ENOX2: variants seen among roughly 807,000 people sequenced by gnomAD.
ENOX2 encodes ecto-NOX disulfide-thiol exchanger 2.
A neutral mutation model predicts 45.0 loss-of-function variants in ENOX2; 36 were observed. The observed-to-expected ratio is 0.80, with a 90% confidence interval of 0.61 to 1.06. The LOEUF is 1.06. ENOX2 is among the 50% of genes least tolerant of loss of function. The pLI is 0.00. For synonymous variants in ENOX2, 174 were observed against 152.3 expected (o/e 1.14, Z -1.05); for missense variants, 423 against 462.5 (o/e 0.91, Z 0.78).
intron 3 of ENOX2, among the ~76,000 whole-genome samples, chrX:130,749,290 T>C (rs1269324047): frequency 9.0e-6 from 1 of 111,664 alleles, no homozygotes; most frequent in Non-Finnish European, 1.9e-5. Flanking sequence ...AGTAGAAACA[T>C]CTTAGGGAAA....
At chrX:130,646,301 A>C (rs2036234545) in intron 10 of ENOX2, 2 of 341,638 alleles carry the variant, frequency 5.9e-6, no homozygotes, top group African/African-American at 2.6e-5. Context: ...TCCTACTGAG[A>C]AAGCCTGCCA....
intron 3 of ENOX2, among the ~76,000 whole-genome samples, chrX:130,747,002 T>C (rs5975227): frequency 2.0e-3 from 220 of 112,322 alleles, no homozygotes; most frequent in African/African-American, 6.9e-3. Flanking sequence ...TCTGTGCTTA[T>C]CTCCTACTCT....
At chrX:130,817,038 G>T (rs1171151360) in intron 2 of ENOX2, among the ~76,000 whole-genome samples, 1 of 111,899 alleles carries the variant, frequency 8.9e-6, no homozygotes. Flanking sequence ...TAATAAAGAA[G>T]AAAGGAGAAA....
intron 3 of ENOX2, among the ~76,000 whole-genome samples, chrX:130,737,795 T>C (rs769944048): frequency 8.4e-4 from 92 of 109,570 alleles, no homozygotes; most frequent in Non-Finnish European, 1.2e-3. Context: ...TTCAGAGGAG[T>C]AGGGAGTGGG....
chrX:130,858,257 A>G (rs890928549), intron 2 of ENOX2, among the ~76,000 whole-genome samples: 20 of 109,792 alleles, frequency 1.8e-4, no homozygotes, highest in Non-Finnish European at 3.6e-4. Flanking sequence ...CTGAGATTAC[A>G]GATGCATGCC....
intron 2 of ENOX2, among the ~76,000 whole-genome samples, chrX:130,874,007 A>G (rs1182338970): frequency 1.8e-5 from 2 of 111,237 alleles, no homozygotes; most frequent in African/African-American, 3.3e-5. Context: ...ACAAGCCTGC[A>G]CGTTCTGCAC....
chrX:130,851,673 A>G (rs565289391), intron 2 of ENOX2, among the ~76,000 whole-genome samples: 2 of 111,606 alleles, frequency 1.8e-5, no homozygotes, highest in South Asian at 7.6e-4. Context: ...TCTCTGTTCT[A>G]ACAAATGTAG....
chrX:130,677,408 A>C (rs1045652752), intron 6 of ENOX2, among the ~76,000 whole-genome samples: 1 of 112,375 alleles, frequency 8.9e-6, no homozygotes, highest in African/African-American at 3.2e-5. Context: ...AGCATCTAGC[A>C]CAAGAGTTTA....
intron 2 of ENOX2, among the ~76,000 whole-genome samples, chrX:130,837,581 C>T (rs2077949292): frequency 1.8e-5 from 2 of 111,382 alleles, no homozygotes; most frequent in Admixed American, 1.9e-4. Flanking sequence ...ATAAGAACAC[C>T]CATTCCACCG....
chrX:130,698,658 A>G (rs1161987921), intron 4 of ENOX2, among the ~76,000 whole-genome samples: 1 of 111,864 alleles, frequency 8.9e-6, no homozygotes, highest in Non-Finnish European at 1.9e-5. Flanking sequence ...AAAATAATAC[A>G]AACCGAAGTC....
At chrX:130,832,269 A>G (rs1393848695) in intron 2 of ENOX2, among the ~76,000 whole-genome samples, 3 of 111,138 alleles carry the variant, frequency 2.7e-5, no homozygotes, top group African/African-American at 6.5e-5. Flanking sequence ...TTCAACATCA[A>G]TTTAGAGCTG....
chrX:130,755,956 C>T (rs1282723123), intron 3 of ENOX2, among the ~76,000 whole-genome samples: 1 of 111,030 alleles, frequency 9.0e-6, no homozygotes. Context: ...TTGATTTTTA[C>T]ATCATGGGGT....
chrX:130,805,213 G>A (rs1315503554), intron 2 of ENOX2, among the ~76,000 whole-genome samples: 1 of 112,026 alleles, frequency 8.9e-6, no homozygotes, highest in Non-Finnish European at 1.9e-5. Flanking sequence ...CACCATCACA[G>A]TGATGGTTTC....
chrX:130,667,727 G>A lies in ENOX2; in HGVS notation c.710C>T (p.Ser237Leu), dbSNP rs1262621475. The change falls in exon 8 of 15, where the codon TCA becomes TTA. Residue 237 changes from serine to leucine, a missense_variant. By Grantham distance (145) the Ser-to-Leu change is moderately radical (BLOSUM62 -2). Coordinates refer to ENST00000394363, the MANE Select transcript of ENOX2 (RefSeq NM_006375.4). ...GGTAAGCAAGGTCTGTACAGCTTCT[G>A]AGAATTTGGAATCATCTGAAAAAAA... ...AEKLKDDSKF[S>L]EAVQTLLTWI... 2 of 1,191,133 alleles carry A rather than the reference G, an allele frequency of 1.7e-6. No individual in the cohort carries two copies. Among genetic ancestry groups the A allele is most frequent in the Admixed American group, 2.2e-5 (1 of 44,701 alleles).
rs149410799 is a variant in ENOX2 at position 130,669,955 on chromosome X, C to T, written c.694+10G>A. Reference sequence around the variant, plus strand: ...TTCTTTTAATCATGAAGCTTGAGTGCCTTTGATACCTTTTAATTTTTCAGC... The same window carrying T: ...TTCTTTTAATCATGAAGCTTGAGTGTCTTTGATACCTTTTAATTTTTCAGC... On this transcript the variant is annotated intron_variant, in intron 7 of 14. Coordinates refer to ENST00000394363, the MANE Select transcript of ENOX2 (RefSeq NM_006375.4). The T allele has an allele frequency of 3.9e-4, 442 of 1,131,941 alleles. No homozygotes were observed. In the African/African-American group the frequency reaches 5.8e-3, roughly 15 times the overall value. 93.3% of individuals were successfully genotyped at this position (1,131,941 alleles called of 1,213,427 possible).
chrX:130,693,093 A>G (rs535609348), intron 4 of ENOX2, among the ~76,000 whole-genome samples: 283 of 112,168 alleles, frequency 2.5e-3, no homozygotes, highest in African/African-American at 8.2e-3. Context: ...ATTATTGTCC[A>G]TTCTCTGTAC....
chrX:130,771,506 A>G (rs779015518), intron 3 of ENOX2, among the ~76,000 whole-genome samples: 2 of 111,023 alleles, frequency 1.8e-5, no homozygotes, highest in East Asian at 5.7e-4. Flanking sequence ...AGGCTCCACA[A>G]CTCTTCAAGC....
chrX:130,867,773 G>A (rs1360069733), intron 2 of ENOX2, among the ~76,000 whole-genome samples: 1 of 111,682 alleles, frequency 9.0e-6, no homozygotes, highest in Non-Finnish European at 1.9e-5. Context: ...CAAATACCCA[G>A]TGACACAGAA....
At chrX:130,682,347 G>A (rs772510931) in intron 5 of ENOX2, among the ~76,000 whole-genome samples, 1 of 109,037 alleles carries the variant, frequency 9.2e-6, no homozygotes, top group Admixed American at 9.8e-5. Flanking sequence ...TTCTTTGGGG[G>A]GCTGAGGTGG....
Sources: gnomAD v4.1 joint callset for allele counts (sites outside exome capture counted in the v4.1 genomes callset) on GRCh38, gnomAD v4.1.1 for gene constraint, MANE v1.5 for transcripts, NCBI Gene and HGNC (gene_info 2026-07-23, HGNC 2026-07-21) for gene names.